Variants in CDYL observed in about 807,000 individuals in gnomAD.
The protein encoded by CDYL is chromodomain Y like.
A neutral mutation model predicts 47.3 loss-of-function variants in CDYL; 8 were observed. The ratio of observed to expected loss-of-function variants is 0.17; its 90% CI spans 0.10 to 0.31. The LOEUF (loss-of-function observed/expected upper bound fraction) is 0.31, where lower values mean the gene tolerates loss of function less well. Ranked by LOEUF, CDYL falls within the 10% of genes least tolerant of loss-of-function variation. CDYL has a pLI of 1.00. For synonymous variants in CDYL, 266 were observed against 265.0 expected, an observed-to-expected ratio of 1.00 and a Z score of -0.04; for missense variants, 471 against 701.4, an observed-to-expected ratio of 0.67 and a Z score of 3.71.
intron 4 of CDYL, among the ~76,000 whole-genome samples, 180 bp downstream of exon 4, chr6:4,937,917 T>C (rs1581279448): frequency 6.6e-6 from 1 of 152,226 alleles, no homozygotes; most frequent in Admixed American, 6.5e-5. Flanking sequence ...CATAAATTAC[T>C]ACTTGCCTTG....
At chr6:4,785,508 T>C (rs911647984) in intron 1 of CDYL, among the ~76,000 whole-genome samples, 6 of 152,224 alleles carry the variant, frequency 3.9e-5, no homozygotes, top group African/African-American at 1.4e-4. Context: ...AATGTATCCG[T>C]TTTTCACTTG....
intron 1 of CDYL, among the ~76,000 whole-genome samples, chr6:4,715,518 G>GT (rs1174087756): frequency 6.6e-6 from 1 of 152,212 alleles, no homozygotes; most frequent in African/African-American, 2.4e-5. Flanking sequence ...AGAAGAGCAA[G>GT]TTTGACTACT....
At chr6:4,795,323 C>T (rs1449357689) in intron 1 of CDYL, among the ~76,000 whole-genome samples, 1 of 152,110 alleles carries the variant, frequency 6.6e-6, no homozygotes, top group Non-Finnish European at 1.5e-5. Flanking sequence ...TGCTTAGTCA[C>T]ATGTATTATT....
chr6:4,907,363 C>CT (rs1561701902), intron 2 of CDYL, among the ~76,000 whole-genome samples: 1 of 152,118 alleles, frequency 6.6e-6, no homozygotes, highest in Non-Finnish European at 1.5e-5. Context: ...TGTGTGTTTT[C>CT]TTTTTTTCTG....
chr6:4,950,299 C>T (rs761916786), intron 5 of CDYL, among the ~76,000 whole-genome samples: 2 of 152,182 alleles, frequency 1.3e-5, no homozygotes, highest in Non-Finnish European at 2.9e-5. Context: ...CTGGCGGGGT[C>T]GCTTGCCTCC....
chr6:4,709,433 T>G (rs1757108759), intron 1 of CDYL, among the ~76,000 whole-genome samples: 1 of 152,202 alleles, frequency 6.6e-6, no homozygotes, highest in South Asian at 2.1e-4. Flanking sequence ...TCTGACCTTG[T>G]GATCCGCCTG....
At chr6:4,844,070 A>C (rs1760581919) in intron 1 of CDYL, among the ~76,000 whole-genome samples, 1 of 151,976 alleles carries the variant, frequency 6.6e-6, no homozygotes, top group Admixed American at 6.6e-5. Context: ...GCTTTCTGAG[A>C]GCCAAACCGT....
At chr6:4,837,547 C>T (rs548129566) in intron 1 of CDYL, among the ~76,000 whole-genome samples, 5 of 150,780 alleles carry the variant, frequency 3.3e-5, no homozygotes, top group Admixed American at 6.6e-5. Context: ...TCAGTGCAAC[C>T]TCCACCTCCC....
intron 3 of CDYL, among the ~76,000 whole-genome samples, chr6:4,739,904 G>C (rs976737432): frequency 6.6e-5 from 10 of 151,608 alleles, no homozygotes; most frequent in African/African-American, 2.4e-4. Flanking sequence ...GGTGAGCCAA[G>C]ATCATGCCAT....
intron 1 of CDYL, among the ~76,000 whole-genome samples, chr6:4,799,787 A>G (rs1344005319): frequency 2.0e-5 from 3 of 152,186 alleles, no homozygotes; most frequent in Admixed American, 6.5e-5. Context: ...AATTTTATCA[A>G]TTACTGAGAA....
chr6:4,935,770 A>C lies in CDYL; in HGVS notation c.947A>C (p.Glu316Ala). Residue 316 changes from glutamate to alanine, a missense_variant and splice_region_variant, in exon 3 of 7, where the codon GAG (glutamate) becomes GCG (alanine). Glu to Ala is a moderately radical substitution (Grantham distance 107, BLOSUM62 -1). Transcript: ENST00000397588. ...TCAGAGAATAACTCACTAAATCCAG[A>C]GGTGAGAGGCGCTCTTGGGCTGGCG... is the stretch of plus-strand genomic sequence containing the variant. ...KSSENNSLNP[E>A]VMREVQSALS... The C allele has an allele frequency of 6.2e-7, 1 of 1,613,492 alleles. No homozygotes were observed. The highest frequency in any genetic ancestry group is 8.5e-7 in the Non-Finnish European group (1 of 1,179,382).
Position 4,841,393 on chromosome 6 carries a change from A to C in CDYL, c.25-50320A>C, listed in dbSNP as rs190271967. ...TGTATTTATTTTTTGTTGGAATTTC[A>C]TTTAGTTCTGTTTTGATCTTTGTTA... On this transcript the variant is annotated intron_variant, in intron 1 of 6. Coordinates refer to ENST00000397588, the MANE Select transcript of CDYL (RefSeq NM_004824.4). Among the ~76,000 whole-genome samples, 5 of 152,010 alleles carry C rather than the reference A, an allele frequency of 3.3e-5. No homozygotes were observed. The East Asian group carries it at 9.7e-4, about 29-fold the overall frequency.
intron 2 of CDYL, among the ~76,000 whole-genome samples, chr6:4,926,105 T>G (rs930713308): frequency 6.6e-6 from 1 of 152,170 alleles, no homozygotes; most frequent in African/African-American, 2.4e-5. Flanking sequence ...GATAGAGAAC[T>G]GGAAGTGAAG....
chr6:4,807,483 G>A lies in CDYL; in HGVS notation c.24+30676G>A, dbSNP rs554974863. Among the ~76,000 whole-genome samples the A allele has an allele frequency of 4.6e-5, 7 of 151,856 alleles. 2 individuals carry two copies. Among genetic ancestry groups the A allele is most frequent in the African/African-American group, 1.7e-4 (7 of 41,404 alleles). The stretch of plus-strand genomic sequence containing the variant: ...TCCATTGGCCTGCAGCAGTTCTGTG[G>A]TGCTTACCTAATGGTGATTGTCTGT... On this transcript the variant is annotated intron_variant, in intron 1 of 6. Coordinates refer to ENST00000397588, the MANE Select transcript of CDYL (RefSeq NM_004824.4).
At position 4,954,125 on chromosome 6, in the gene CDYL, C is replaced by T; in HGVS notation, c.*69C>T. 6.6e-7 allele frequency: 1 copy of T among 1,506,520 alleles called. No individual in the cohort carries two copies. Among genetic ancestry groups the T allele is most frequent in the Non-Finnish European group, 9.0e-7 (1 of 1,111,606 alleles). The allele number at this position is 1,506,520 out of a possible 1,614,324, so 93.3% of individuals were successfully genotyped here. ...GAGAACATCACCGGCTCCAGTTCCC[C>T]TGATCCATTCTCACAGCCTGAAACA... On this transcript the variant is annotated 3_prime_UTR_variant, in exon 7 of 7. Transcript: ENST00000397588.
chr6:4,832,254 A>G (rs986552112), intron 1 of CDYL, among the ~76,000 whole-genome samples: 21 of 152,312 alleles, frequency 1.4e-4, no homozygotes, highest in Admixed American at 3.3e-4. Context: ...AGTCCCATCA[A>G]TACCTAATTT....
At chr6:4,833,607 A>G (rs1452186513) in intron 1 of CDYL, among the ~76,000 whole-genome samples, 3 of 149,620 alleles carry the variant, frequency 2.0e-5, no homozygotes, top group Non-Finnish European at 2.9e-5. Context: ...TGCAGAGCTG[A>G]GTTCAATTCC....
At chr6:4,795,348 A>G (rs963709796) in intron 1 of CDYL, among the ~76,000 whole-genome samples, 1 of 152,108 alleles carries the variant, frequency 6.6e-6, no homozygotes, top group African/African-American at 2.4e-5. Flanking sequence ...GTATATTGCT[A>G]CAGTTTTTTT....
At position 4,890,371 on chromosome 6, in the gene CDYL, C is replaced by T. The variant is rs550080047; in HGVS notation, c.25-1342C>T. On this transcript the variant is annotated intron_variant, in intron 1 of 6. Coordinates refer to ENST00000397588, the MANE Select transcript of CDYL (RefSeq NM_004824.4). ...CCTGCTATGATACGGACCGCGTGGACTCGCCCTTGGTGACCTGACGTTAAT... is the reference window on the plus strand; with the variant it reads ...CCTGCTATGATACGGACCGCGTGGATTCGCCCTTGGTGACCTGACGTTAAT... Among the ~76,000 whole-genome samples, 27 of 152,304 alleles carry T rather than the reference C, an allele frequency of 1.8e-4. 1 individual carries two copies. In the South Asian group the frequency reaches 5.6e-3, roughly 32 times the overall value.
Sources: allele counts gnomAD v4.1 joint callset (sites outside exome capture counted in the v4.1 genomes callset), GRCh38; gene constraint gnomAD v4.1.1; transcripts MANE v1.5; gene names NCBI Gene and HGNC (gene_info 2026-07-23, HGNC 2026-07-21).